The following SLC2A13 variants were observed in gnomAD, a reference collection of about 807,000 sequenced individuals.
SLC2A13 encodes proton myo-inositol cotransporter.
Under a neutral mutation model 64.4 loss-of-function variants are expected in SLC2A13, and 32 were observed. That is an observed-to-expected ratio of 0.50 (90% confidence interval 0.37 to 0.67). The LOEUF is 0.67. SLC2A13 is among the 30% of genes least tolerant of loss of function. The pLI is 0.00. For missense variants in SLC2A13, 743 were observed against 829.2 expected (o/e 0.90, Z 1.28); for synonymous variants, 338 against 327.1 (o/e 1.03, Z -0.36).
At chr12:40,001,181 A>G (rs1947316219) in intron 3 of SLC2A13, among the ~76,000 whole-genome samples, 1 of 152,244 alleles carries the variant, frequency 6.6e-6, no homozygotes, top group Admixed American at 6.5e-5. Flanking sequence ...TGATGTTAGC[A>G]TTCACTCAAA....
Position 39,929,599 on chromosome 12 carries a change from CAA to C in SLC2A13, c.1034+21656_1034+21657del, listed in dbSNP as rs1945788893. On this transcript the variant is annotated intron_variant, in intron 4 of 9. Transcript: ENST00000280871. ...TAATATAGGAAACAGAACTCAGCCA[CAA>C]GAGAGAGGGGTAAAGAGCATTTCTA... 1.1e-4 allele frequency among the ~76,000 whole-genome samples: 16 copies of C among 151,516 alleles called. No individual in the cohort carries two copies. In the South Asian group the frequency reaches 3.1e-3, roughly 30 times the overall value.
At chr12:39,924,837 C>T (rs944746437) in intron 4 of SLC2A13, among the ~76,000 whole-genome samples, 1 of 151,560 alleles carries the variant, frequency 6.6e-6, no homozygotes, top group Non-Finnish European at 1.5e-5. Context: ...AAAAAGACCC[C>T]CCACCCCGCC....
At chr12:40,067,422 G>C (rs927187775) in intron 1 of SLC2A13, among the ~76,000 whole-genome samples, 22 of 151,952 alleles carry the variant, frequency 1.4e-4, no homozygotes, top group African/African-American at 5.1e-4. Flanking sequence ...TGCTGTTGTT[G>C]ATAATATATT....
At chr12:39,872,110 T>C (rs757548629) in intron 4 of SLC2A13, 149 bp from the exon 5 acceptor site, 2 of 605,790 alleles carry the variant, frequency 3.3e-6, no homozygotes, top group East Asian at 6.7e-5. Context: ...ATGCAAGCTG[T>C]TGAAAAGATC....
chr12:39,923,653 GTTA>G (rs1415150367), intron 4 of SLC2A13, among the ~76,000 whole-genome samples: 2 of 144,286 alleles, frequency 1.4e-5, no homozygotes, highest in Non-Finnish European at 3.0e-5. Context: ...AATCACAAAT[GTTA>G]TGTGATTATA....
intron 2 of SLC2A13, among the ~76,000 whole-genome samples, chr12:40,044,420 C>A: frequency 6.6e-6 from 1 of 152,194 alleles, no homozygotes; most frequent in Middle Eastern, 3.4e-3. Flanking sequence ...TCTGTGAATA[C>A]ACTAAAAGCC....
intron 6 of SLC2A13, among the ~76,000 whole-genome samples, chr12:39,856,707 C>A (rs1240890260): frequency 6.6e-6 from 1 of 152,160 alleles, no homozygotes; most frequent in Non-Finnish European, 1.5e-5. Context: ...TGGTCCATAG[C>A]AATAGGTATT....
intron 4 of SLC2A13, among the ~76,000 whole-genome samples, chr12:39,882,310 C>CA (rs1264982553): frequency 6.6e-6 from 1 of 152,138 alleles, no homozygotes; most frequent in Non-Finnish European, 1.5e-5. Context: ...TTTGCCTTTC[C>CA]AACAAATTTT....
At chr12:39,772,868 C>G (rs1038895393) in intron 7 of SLC2A13, among the ~76,000 whole-genome samples, 7 of 56,522 alleles carry the variant, frequency 1.2e-4, no homozygotes, top group Non-Finnish European at 3.4e-4. Flanking sequence ...GGCCAAGTAG[C>G]TCCTCATCAT....
intron 3 of SLC2A13, among the ~76,000 whole-genome samples, chr12:39,961,940 T>C (rs540888534): frequency 2.0e-5 from 3 of 152,232 alleles, no homozygotes; most frequent in Admixed American, 6.5e-5. Flanking sequence ...GAAAAAACAA[T>C]GAACTTTAAT....
chr12:39,897,859 T>C (rs1353874917), intron 4 of SLC2A13, among the ~76,000 whole-genome samples: 1 of 152,168 alleles, frequency 6.6e-6, no homozygotes, highest in Non-Finnish European at 1.5e-5. Context: ...TATATGTGCA[T>C]ATTTAAACTG....
Position 40,105,653 on chromosome 12 carries a change from C to CT in SLC2A13, c.155dup (p.Ser53GlufsTer46). ...CGCCGCCGCCGCCCGCGCCCGCGCTCTGCAGGCTGGTGCTCGATTCGGCGG... is the reference window on the plus strand; with the variant it reads ...CGCCGCCGCCGCCCGCGCCCGCGCTCTTGCAGGCTGGTGCTCGATTCGGCGG... On this transcript the variant is annotated frameshift_variant, in exon 1 of 10. Transcript: ENST00000280871. LOFTEE classifies it high-confidence loss of function. The surrounding 1 kb of genome is among the most constrained non-coding windows in gnomAD (Gnocchi z 4.2). 1 of 1,495,834 alleles carries CT rather than the reference C, an allele frequency of 6.7e-7. No homozygotes were observed. 92.7% of individuals were successfully genotyped at this position (1,495,834 alleles called of 1,614,324 possible).
At position 40,072,900 on chromosome 12, in the gene SLC2A13, T is replaced by C. The variant is rs576016774; in HGVS notation, c.557-24690A>G. ...ATTAGATCAAAGTCTACCATATTTA[T>C]TGTTTTCATTTATTTGTTCTTATTT... On this transcript the variant is annotated intron_variant, in intron 1 of 9. Coordinates refer to ENST00000280871, the MANE Select transcript of SLC2A13 (RefSeq NM_052885.4). Among the ~76,000 whole-genome samples, 4 of 152,214 alleles carry C rather than the reference T, an allele frequency of 2.6e-5. No individual in the cohort carries two copies. In the South Asian group the frequency reaches 8.3e-4, roughly 32 times the overall value.
At chr12:39,777,482 G>A (rs374952637) in intron 7 of SLC2A13, among the ~76,000 whole-genome samples, 3 of 152,204 alleles carry the variant, frequency 2.0e-5, no homozygotes, top group Admixed American at 6.5e-5. Flanking sequence ...AGAGGAGGGC[G>A]TGGTCCCTGA....
At chr12:39,800,203 G>A (rs914868841) in intron 7 of SLC2A13, among the ~76,000 whole-genome samples, 13 of 152,150 alleles carry the variant, frequency 8.5e-5, no homozygotes, top group Non-Finnish European at 1.5e-4. Flanking sequence ...TGGTGCTGAC[G>A]TGCTTTGAAT....
At chr12:40,051,577 G>A (rs561130603) in intron 1 of SLC2A13, among the ~76,000 whole-genome samples, 2 of 152,134 alleles carry the variant, frequency 1.3e-5, no homozygotes, top group East Asian at 1.9e-4. Flanking sequence ...CAAAGGGACC[G>A]GCCCAGCCTG....
In SLC2A13 at chr12:39,993,442, T is replaced by C. The variant is rs539009429; in HGVS notation, c.925+34859A>G. Among the ~76,000 whole-genome samples the C allele has an allele frequency of 3.3e-5, 5 of 152,318 alleles. No homozygotes were observed. In the South Asian group the frequency reaches 6.2e-4, roughly 19 times the overall value. On this transcript the variant is annotated intron_variant, in intron 3 of 9. Coordinates refer to ENST00000280871, the MANE Select transcript of SLC2A13 (RefSeq NM_052885.4). ...GTTTAAGAGATAGATGCAGAGCAAA[T>C]CCCTGATGGCTTTACTCCTGCATCT...
rs1173766796 is a variant in SLC2A13, at chr12:39,755,183, T to C, written c.*4843A>G. 1 of 152,118 alleles carries C rather than the reference T, an allele frequency of 6.6e-6. No individual in the cohort carries two copies. Among genetic ancestry groups the C allele is most frequent in the Non-Finnish European group, 1.5e-5 (1 of 67,924 alleles). 9.4% of individuals were successfully genotyped at this position (152,118 alleles called of 1,614,324 possible). A position where few individuals can be genotyped will look rare whatever the true frequency, so the allele number is the denominator to read the frequency against. On this transcript the variant is annotated 3_prime_UTR_variant, in exon 10 of 10. Transcript: ENST00000280871. ...TGTATATCACTAAATCTCCATAAAA[T>C]ATACAATACTTTTGATACAGCATAG...
chr12:40,049,561 T>A (rs1011443236), intron 1 of SLC2A13, among the ~76,000 whole-genome samples: 1 of 152,092 alleles, frequency 6.6e-6, no homozygotes, highest in Non-Finnish European at 1.5e-5. Flanking sequence ...AATTGCAGCT[T>A]TTTTTCATTT....
Sources: allele counts gnomAD v4.1 joint callset (sites outside exome capture counted in the v4.1 genomes callset), GRCh38; gene constraint gnomAD v4.1.1; non-coding constraint Gnocchi (gnomAD v3.1); transcripts MANE v1.5; gene names NCBI Gene and HGNC (gene_info 2026-07-23, HGNC 2026-07-21).